The following RPS6KA2 variants were observed in gnomAD, a reference collection of about 807,000 sequenced individuals.
RPS6KA2 encodes ribosomal protein S6 kinase A2, also known as ribosomal protein S6 kinase alpha-2.
RPS6KA2 carries 42 observed loss-of-function variants against 91.8 expected under a neutral mutation model. The observed-to-expected ratio is 0.46, with a 90% CI of 0.36 to 0.59. The LOEUF is 0.59. Ranked by LOEUF, RPS6KA2 falls within the 20% of genes least tolerant of loss-of-function variation. The pLI, the probability that RPS6KA2 is intolerant of heterozygous loss-of-function variation, is 0.00. For missense variants in RPS6KA2, 798 were observed against 978.5 expected (o/e 0.82, Z 2.46); for synonymous variants, 414 against 393.6 (o/e 1.05, Z -0.61).
At chr6:166,542,960 T>C (rs1005235898) in intron 1 of RPS6KA2, among the ~76,000 whole-genome samples, 1 of 152,188 alleles carries the variant, frequency 6.6e-6, no homozygotes, top group Non-Finnish European at 1.5e-5. Flanking sequence ...AATCGCAGAT[T>C]CACATGTAGG....
chr6:166,746,499 G>C (rs539210980), intron 2 of RPS6KA2, among the ~76,000 whole-genome samples: 1 of 152,188 alleles, frequency 6.6e-6, no homozygotes, highest in Non-Finnish European at 1.5e-5. Flanking sequence ...AGCAGCAACC[G>C]ATCAGTTCTG....
intron 14 of RPS6KA2, among the ~76,000 whole-genome samples, chr6:166,436,572 G>A (rs763783753): frequency 2.0e-5 from 3 of 152,228 alleles, no homozygotes; most frequent in Admixed American, 6.5e-5. Flanking sequence ...GCCTCGGCCC[G>A]ACACTTCTCT....
intron 5 of RPS6KA2, among the ~76,000 whole-genome samples, chr6:166,507,897 C>T (rs930258846): frequency 6.8e-6 from 1 of 147,820 alleles, no homozygotes; most frequent in Non-Finnish European, 1.5e-5. Flanking sequence ...CCCACACACG[C>T]ACTCAAACAC....
chr6:166,621,474 T>C (rs1184178026), intron 1 of RPS6KA2, among the ~76,000 whole-genome samples: 3 of 152,246 alleles, frequency 2.0e-5, no homozygotes, highest in Non-Finnish European at 4.4e-5. Flanking sequence ...CACTGTAGCT[T>C]AACAGCCTAT....
At chr6:166,716,946 G>A (rs1046819641) in intron 2 of RPS6KA2, among the ~76,000 whole-genome samples, 23 of 152,322 alleles carry the variant, frequency 1.5e-4, no homozygotes, top group Admixed American at 5.2e-4. Context: ...AGTGCTCCAC[G>A]TACAGAACTC....
In RPS6KA2 at chr6:166,783,787, T is replaced by C. The variant is rs1034107994; in HGVS notation, c.123+74413A>G. On this transcript the variant is annotated intron_variant, in intron 2 of 21. Transcript: ENST00000503859. ...ACACATGTGCACATCTATCTATAAC[T>C]ACATATATACACGTGCACAGTTACC... Among the ~76,000 whole-genome samples, 45 of 142,034 alleles carry C rather than the reference T, an allele frequency of 3.2e-4. 5 individuals carry two copies. The highest frequency in any genetic ancestry group is 8.9e-4 in the South Asian group (4 of 4,506). The allele number at this position is 142,034 out of a possible 152,430, so 93.2% of individuals were successfully genotyped here.
rs1435229274 is a variant in RPS6KA2, at chr6:166,648,340, TCTC to T, written c.124-109559_124-109557del. Among the ~76,000 whole-genome samples the T allele has an allele frequency of 2.0e-5, 3 of 149,524 alleles. No individual in the cohort carries two copies. Among genetic ancestry groups the T allele is most frequent in the Admixed American group, 6.6e-5 (1 of 15,060 alleles). Reference sequence around the variant, plus strand: ...GCACACACACATACATGCACACGCTTCTCCTCACTCCCTGATTTTTATGCTGTT... The same window carrying T: ...GCACACACACATACATGCACACGCTTCTCACTCCCTGATTTTTATGCTGTT... On this transcript the variant is annotated intron_variant, in intron 2 of 21. Transcript: ENST00000503859. The surrounding 1 kb of genome is among the most constrained non-coding windows in gnomAD (Gnocchi z 4.8).
intron 2 of RPS6KA2, among the ~76,000 whole-genome samples, chr6:166,688,196 G>A (rs954773517): frequency 2.0e-5 from 3 of 152,132 alleles, no homozygotes; most frequent in Non-Finnish European, 4.4e-5. Flanking sequence ...GAGCAGCTGG[G>A]GTGCTCTTTT....
At chr6:166,812,239 C>A (rs1464849536) in intron 2 of RPS6KA2, among the ~76,000 whole-genome samples, 1 of 152,194 alleles carries the variant, frequency 6.6e-6, no homozygotes, top group Non-Finnish European at 1.5e-5. Context: ...ACCTGTAATA[C>A]CAGCTACTCA....
chr6:166,698,603 C>T (rs1789420653), intron 2 of RPS6KA2, among the ~76,000 whole-genome samples: 1 of 152,168 alleles, frequency 6.6e-6, no homozygotes. Context: ...AGGAAACACT[C>T]GACTTCTTCT....
chr6:166,737,975 A>G lies in RPS6KA2; in HGVS notation c.123+120225T>C, dbSNP rs7770200. On this transcript the variant is annotated intron_variant, in intron 2 of 21. Coordinates refer to the RPS6KA2 transcript ENST00000503859. The surrounding 1 kb of genome is among the most constrained non-coding windows in gnomAD (Gnocchi z 4.3). ...ATCGCTCAGAGAGAATCCTTTTAAT[A>G]TTGTTTACATCCTCCTAGAATTTAT... Among the ~76,000 whole-genome samples the G allele has an allele frequency of 0.21, 31,644 of 152,148 alleles. 3,992 individuals are homozygous for G. The highest frequency in any genetic ancestry group is 0.36 in the African/African-American group (14,783 of 41,460).
chr6:166,594,420 G>A (rs898509038), intron 1 of RPS6KA2, among the ~76,000 whole-genome samples: 10 of 151,818 alleles, frequency 6.6e-5, no homozygotes, highest in East Asian at 1.9e-4. Context: ...AAATTGTCAC[G>A]TGAAAAAACA....
intron 2 of RPS6KA2, among the ~76,000 whole-genome samples, chr6:166,641,070 A>G (rs1787417127): frequency 6.6e-6 from 1 of 152,218 alleles, no homozygotes; most frequent in Non-Finnish European, 1.5e-5. Context: ...GGTAGCACCC[A>G]GAGGACCAGG....
rs930155346 is a variant in RPS6KA2 at position 166,852,813 on chromosome 6, G to A, written c.123+5387C>T. 6.6e-6 allele frequency among the ~76,000 whole-genome samples: 1 copy of A among 152,114 alleles called. No individual in the cohort carries two copies. The highest frequency in any genetic ancestry group is 2.4e-5 in the African/African-American group (1 of 41,418). Reference sequence around the variant, plus strand: ...GTCCCTCTGTGACCTCTCAGCTGGTGCTGTGTCTTCAGCACCCTCCTTGGC... The same window carrying A: ...GTCCCTCTGTGACCTCTCAGCTGGTACTGTGTCTTCAGCACCCTCCTTGGC... On this transcript the variant is annotated intron_variant, in intron 2 of 21. Transcript: ENST00000503859. This position sits in a 1 kb window ranked among gnomAD's most constrained non-coding sequence, Gnocchi z 4.1.
At chr6:166,547,606 G>A (rs557396883) in intron 1 of RPS6KA2, among the ~76,000 whole-genome samples, 3 of 152,356 alleles carry the variant, frequency 2.0e-5, no homozygotes, top group African/African-American at 7.2e-5. Flanking sequence ...GATCAGAAGA[G>A]GCCATTCCGG....
intron 3 of RPS6KA2, among the ~76,000 whole-genome samples, chr6:166,522,818 C>T (rs568265800): frequency 5.3e-5 from 8 of 152,268 alleles, no homozygotes; most frequent in African/African-American, 1.9e-4. Flanking sequence ...GTGAATTACT[C>T]CACACATAAA....
intron 2 of RPS6KA2, among the ~76,000 whole-genome samples, chr6:166,811,893 T>A (rs1490727040): frequency 1.3e-5 from 2 of 152,220 alleles, no homozygotes; most frequent in Non-Finnish European, 2.9e-5. Flanking sequence ...ACACAATACA[T>A]TCTTTCTCCA....
rs146236728 is a variant in RPS6KA2, at chr6:166,450,444, G to A, written c.1206+659C>T. On this transcript the variant is annotated intron_variant, in intron 13 of 20. Coordinates refer to ENST00000265678, the MANE Select transcript of RPS6KA2 (RefSeq NM_021135.6). The stretch of plus-strand genomic sequence containing the variant: ...AGGGACCACCATGGGGACCACCACA[G>A]GAACCACCATGAGGACCACCATGGC... Among the ~76,000 whole-genome samples the A allele has an allele frequency of 1.1e-3, 163 of 148,294 alleles. 1 individual carries two copies. The highest frequency in any genetic ancestry group is 3.9e-3 in the African/African-American group (157 of 39,860).
At position 166,726,130 on chromosome 6, in the gene RPS6KA2, T is replaced by C. The variant is rs367976781; in HGVS notation, c.123+132070A>G. Among the ~76,000 whole-genome samples the C allele has an allele frequency of 1.7e-5, 1 of 58,134 alleles. No homozygotes were observed. The highest frequency in any genetic ancestry group is 2.7e-5 in the Non-Finnish European group (1 of 37,700). The allele number at this position is 58,134 out of a possible 152,430, so 38.1% of individuals were successfully genotyped here. ...TGCCCTTAGGCTACAATATAGAAGA[T>C]TTTTTTTTTTTTTTAGTTTAAAATC... is the stretch of plus-strand genomic sequence containing the variant. On this transcript the variant is annotated intron_variant, in intron 2 of 21. Transcript: ENST00000503859. The surrounding 1 kb of genome is among the most constrained non-coding windows in gnomAD (Gnocchi z 4.4).
Sources: gnomAD v4.1 joint callset for allele counts (sites outside exome capture counted in the v4.1 genomes callset) on GRCh38, gnomAD v4.1.1 for gene constraint, Gnocchi (gnomAD v3.1) non-coding constraint, MANE v1.5 for transcripts, NCBI Gene and HGNC (gene_info 2026-07-23, HGNC 2026-07-21) for gene names.